SUCO: variants seen among roughly 807,000 people sequenced by gnomAD.
SUCO encodes the protein SUN domain containing ossification factor.
SUCO carries 57 observed loss-of-function variants against 148.1 expected under a neutral mutation model. That is an observed-to-expected ratio of 0.38 (90% CI 0.31 to 0.48). SUCO has a LOEUF of 0.48. Ranked by LOEUF, SUCO falls within the 20% of genes least tolerant of loss-of-function variation. The pLI, the probability that SUCO is intolerant of heterozygous loss-of-function variation, is 0.96. For missense variants in SUCO, 1,331 were observed against 1,468.2 expected, an observed-to-expected ratio of 0.91 and a Z score of 1.53; for synonymous variants, 470 against 502.7, an observed-to-expected ratio of 0.93 and a Z score of 0.87.
At chr1:172,578,947 T>C (rs1655664361) in intron 14 of SUCO, among the ~76,000 whole-genome samples, 1 of 152,060 alleles carries the variant, frequency 6.6e-6, no homozygotes, top group Non-Finnish European at 1.5e-5. Flanking sequence ...ATTGAAAGCT[T>C]GAATAAAAAC....
chr1:172,536,421 T>C (rs1652021556), intron 1 of SUCO, among the ~76,000 whole-genome samples: 1 of 152,206 alleles, frequency 6.6e-6, no homozygotes, highest in African/African-American at 2.4e-5. Context: ...GATGAAATAA[T>C]ACAAATGACA....
intron 17 of SUCO, 109 bp from the exon 18 acceptor site, chr1:172,588,651 A>G (rs765023483): frequency 5.9e-5 from 75 of 1,261,010 alleles, no homozygotes; most frequent in Non-Finnish European, 7.4e-5. Flanking sequence ...AATTTCTTCT[A>G]TATTTCCAAC....
intron 11 of SUCO, chr1:172,576,965 A>G (rs1655490765): frequency 3.0e-6 from 2 of 664,286 alleles, no homozygotes; most frequent in South Asian, 6.9e-5. Flanking sequence ...CGAAAGGCCA[A>G]TTGGTATATA....
chr1:172,591,719 G>A (rs1656689074), intron 19 of SUCO, among the ~76,000 whole-genome samples: 1 of 152,014 alleles, frequency 6.6e-6, no homozygotes, highest in African/African-American at 2.4e-5. Flanking sequence ...TTGCTATTGT[G>A]AATAGTGCCA....
At chr1:172,541,223 A>G (rs985920387) in intron 1 of SUCO, among the ~76,000 whole-genome samples, 1 of 152,230 alleles carries the variant, frequency 6.6e-6, no homozygotes. Context: ...ATGGGAGGAT[A>G]TGCATAGATG....
At chr1:172,604,608 A>G (rs1331568972) in intron 22 of SUCO, among the ~76,000 whole-genome samples, 1 of 151,852 alleles carries the variant, frequency 6.6e-6, no homozygotes, top group African/African-American at 2.4e-5. Flanking sequence ...CATTGTTGTG[A>G]AACAGATCTT....
intron 20 of SUCO, among the ~76,000 whole-genome samples, chr1:172,600,798 G>A (rs1014111921): frequency 3.9e-5 from 6 of 151,956 alleles, no homozygotes; most frequent in Non-Finnish European, 8.8e-5. Context: ...TGAGGAGGTG[G>A]TATTACAACT....
chr1:172,553,636 TATG>T (rs1446687276), intron 3 of SUCO, among the ~76,000 whole-genome samples: 1 of 152,146 alleles, frequency 6.6e-6, no homozygotes, highest in African/African-American at 2.4e-5. Context: ...TTTGGTTCAT[TATG>T]ATGTATCTTG....
At position 172,610,069 on chromosome 1, in the gene SUCO, C is replaced by G. The variant is rs1469945466; in HGVS notation, c.3575C>G (p.Ser1192Cys). The change falls in exon 24 of 24, where the codon TCT (serine) becomes TGT (cysteine). Residue 1192 changes from serine to cysteine, a missense_variant. This residue lies in a region of SUCO where 334 missense variants were observed against 352.3 expected (regional missense o/e 0.95). Transcript: ENST00000263688. ...TGCACAAGTCTGTGCAATGGACAGT[C>G]TCAAAAGACAAAAACTGAGAAGAGG... ...SACTSLCNGQ[S>C]QKTKTEKRAL... The G allele has an allele frequency of 6.2e-7, 1 of 1,613,834 alleles. No individual in the cohort carries two copies.
intron 16 of SUCO, 70 bp from the exon 17 acceptor site, chr1:172,585,788 T>C: frequency 9.1e-7 from 1 of 1,103,044 alleles, no homozygotes; most frequent in Non-Finnish European, 1.3e-6. Context: ...AAGAAATTTG[T>C]TTTAGTAAAA....
intron 9 of SUCO, among the ~76,000 whole-genome samples, chr1:172,571,515 C>T (rs1042866818): frequency 8.0e-5 from 12 of 150,566 alleles, no homozygotes; most frequent in African/African-American, 2.2e-4. Context: ...TCTGCCTGGC[C>T]GCCCATCGTC....
At chr1:172,584,895 A>G in intron 15 of SUCO, 123 bp from the exon 16 acceptor site, 1 of 585,262 alleles carries the variant, frequency 1.7e-6, no homozygotes. Flanking sequence ...TGTGAGGTGA[A>G]TACAAAAGTA....
chr1:172,564,263 C>A (rs1428209561), intron 6 of SUCO, among the ~76,000 whole-genome samples: 3 of 152,198 alleles, frequency 2.0e-5, no homozygotes, highest in Non-Finnish European at 4.4e-5. Context: ...GAGAAGAGGG[C>A]CACCATCCTC....
intron 6 of SUCO, among the ~76,000 whole-genome samples, chr1:172,563,806 A>T (rs553643960): frequency 6.6e-6 from 1 of 152,234 alleles, no homozygotes. Flanking sequence ...CTTTTAGGGC[A>T]TTTCAGGCAC....
chr1:172,606,771 C>G (rs781529066), intron 22 of SUCO, among the ~76,000 whole-genome samples: 5 of 151,778 alleles, frequency 3.3e-5, no homozygotes, highest in African/African-American at 4.8e-5. Flanking sequence ...AATTCTCAAC[C>G]ATTATTTTTT....
intron 1 of SUCO, among the ~76,000 whole-genome samples, chr1:172,537,549 T>C (rs1164596522): frequency 3.9e-5 from 6 of 152,194 alleles, no homozygotes; most frequent in African/African-American, 1.4e-4. Flanking sequence ...TCTACCTAAC[T>C]GGGGAAACAT....
chr1:172,553,918 C>T (rs1164986097), intron 3 of SUCO, among the ~76,000 whole-genome samples: 1 of 152,116 alleles, frequency 6.6e-6, no homozygotes, highest in African/African-American at 2.4e-5. Flanking sequence ...GCTGAGGTAT[C>T]TGGAAACCAT....
intron 1 of SUCO, among the ~76,000 whole-genome samples, chr1:172,545,165 C>G (rs1274731500): frequency 1.3e-5 from 2 of 152,080 alleles, no homozygotes; most frequent in Non-Finnish European, 2.9e-5. Flanking sequence ...GAAAAGGAAG[C>G]TAATGTATTC....
intron 19 of SUCO, among the ~76,000 whole-genome samples, chr1:172,597,348 C>T (rs1657186680): frequency 6.6e-6 from 1 of 152,224 alleles, no homozygotes. Context: ...CAGAAATCAC[C>T]CGTCTTCTGC....
Sources: gnomAD v4.1 joint callset for allele counts (sites outside exome capture counted in the v4.1 genomes callset) on GRCh38, gnomAD v4.1.1 for gene constraint, gnomAD v4.1.1 regional missense constraint, MANE v1.5 for transcripts, NCBI Gene and HGNC (gene_info 2026-07-23, HGNC 2026-07-21) for gene names.